Variants in CTNNA3 observed in about 807,000 individuals in gnomAD.
CTNNA3 encodes the protein catenin alpha 3, also known as catenin alpha-3.
In CTNNA3, 76 loss-of-function variants were observed where a neutral mutation model predicts 95.7. The observed-to-expected ratio is 0.79, with a 90% CI of 0.66 to 0.96. The LOEUF (loss-of-function observed/expected upper bound fraction) is 0.96, where lower values mean the gene tolerates loss of function less well. Among genes scored for constraint, CTNNA3 ranks in the 40% least tolerant of loss-of-function variants. CTNNA3 has a pLI of 0.00. For missense variants in CTNNA3, 1,191 were observed against 1,089.8 expected, an observed-to-expected ratio of 1.09 and a Z score of -1.31; for synonymous variants, 431 against 374.4, an observed-to-expected ratio of 1.15 and a Z score of -1.74.
In CTNNA3 at chr10:66,927,226, G is replaced by A. The variant is rs1281297179; in HGVS notation, c.1048-151702C>T. 1.2e-6 allele frequency: 2 copies of A among 1,614,114 alleles called. No homozygotes were observed. Among genetic ancestry groups the A allele is most frequent in the Non-Finnish European group, 8.5e-7 (1 of 1,180,044 alleles). ...CCATATCAGCAATATTGACGAAAAT[G>A]CTTTTAATGGAATACGCAGACTCAA... On this transcript the variant is annotated intron_variant, in intron 7 of 17. Coordinates refer to ENST00000433211, the MANE Select transcript of CTNNA3 (RefSeq NM_013266.4). The surrounding 1 kb of genome is among the most constrained non-coding windows in gnomAD (Gnocchi z 4.7).
At chr10:67,071,521 T>C (rs1856464778) in intron 7 of CTNNA3, among the ~76,000 whole-genome samples, 1 of 152,082 alleles carries the variant, frequency 6.6e-6, no homozygotes, top group Non-Finnish European at 1.5e-5. Context: ...TGTTTGTTTG[T>C]TTCTTTGACT....
chr10:67,109,005 A>T (rs905923289), intron 7 of CTNNA3, among the ~76,000 whole-genome samples: 1 of 152,090 alleles, frequency 6.6e-6, no homozygotes, highest in African/African-American at 2.4e-5. Flanking sequence ...TACTGTCAGA[A>T]GTTTTCTGTT....
intron 11 of CTNNA3, among the ~76,000 whole-genome samples, chr10:66,383,874 C>A (rs9415840): frequency 6.6e-6 from 1 of 151,932 alleles, no homozygotes; most frequent in Non-Finnish European, 1.5e-5. Context: ...AGAAATAAAA[C>A]CCTGTACAGA....
chr10:67,654,860 T>C (rs567341513), intron 1 of CTNNA3, among the ~76,000 whole-genome samples: 12 of 152,326 alleles, frequency 7.9e-5, no homozygotes, highest in African/African-American at 2.9e-4. Flanking sequence ...GAGTGTGCAT[T>C]CACTATATGT....
intron 5 of CTNNA3, among the ~76,000 whole-genome samples, chr10:67,465,658 A>G (rs949502833): frequency 6.6e-6 from 1 of 152,176 alleles, no homozygotes; most frequent in African/African-American, 2.4e-5. Flanking sequence ...TATAACTCAC[A>G]TGGAGGTCAA....
At position 67,025,096 on chromosome 10, in the gene CTNNA3, A is replaced by G. The variant is rs1853272895; in HGVS notation, c.1047+155221T>C. Among the ~76,000 whole-genome samples, 6 of 144,104 alleles carry G rather than the reference A, an allele frequency of 4.2e-5. No individual in the cohort carries two copies. The Admixed American group carries it at 4.5e-4, about 11-fold the overall frequency. 94.5% of individuals were successfully genotyped at this position (144,104 alleles called of 152,430 possible). On this transcript the variant is annotated intron_variant, in intron 7 of 17. Coordinates refer to ENST00000433211, the MANE Select transcript of CTNNA3 (RefSeq NM_013266.4). ...GTGAGCCGAGATCATGCCATTGCAC[A>G]CTCCAGCCTGAGCAACAAGAGCAAA... is the stretch of plus-strand genomic sequence containing the variant.
intron 10 of CTNNA3, among the ~76,000 whole-genome samples, chr10:66,610,385 C>T (rs1844287145): frequency 6.6e-6 from 1 of 152,052 alleles, no homozygotes; most frequent in South Asian, 2.1e-4. Context: ...GGTGGATGGT[C>T]TCTTTCCTTG....
chr10:66,191,003 T>C (rs767336422), intron 13 of CTNNA3, among the ~76,000 whole-genome samples: 1 of 152,112 alleles, frequency 6.6e-6, no homozygotes, highest in Non-Finnish European at 1.5e-5. Flanking sequence ...ATTCATGTTA[T>C]ATTGAATGCA....
At chr10:66,263,592 A>T (rs1345929972) in intron 13 of CTNNA3, among the ~76,000 whole-genome samples, 1 of 151,952 alleles carries the variant, frequency 6.6e-6, no homozygotes, top group African/African-American at 2.4e-5. Flanking sequence ...GAACAGCTTA[A>T]CCTCTCTAAA....
intron 9 of CTNNA3, among the ~76,000 whole-genome samples, chr10:66,746,008 T>C (rs991604545): frequency 6.6e-6 from 1 of 152,152 alleles, no homozygotes; most frequent in African/African-American, 2.4e-5. Context: ...GTATTTACAA[T>C]TGAGATATCT....
intron 7 of CTNNA3, among the ~76,000 whole-genome samples, chr10:67,024,081 C>T (rs1432242734): frequency 6.6e-6 from 1 of 152,166 alleles, no homozygotes; most frequent in African/African-American, 2.4e-5. Flanking sequence ...CAAAATCAGC[C>T]TCACTGAGCT....
chr10:67,484,971 AT>A (rs1398604018), intron 5 of CTNNA3, among the ~76,000 whole-genome samples: 1 of 152,200 alleles, frequency 6.6e-6, no homozygotes, highest in Non-Finnish European at 1.5e-5. Flanking sequence ...TACTGAGTAT[AT>A]AACCAAAAGA....
At chr10:66,934,664 G>A (rs1371387223) in intron 7 of CTNNA3, among the ~76,000 whole-genome samples, 1 of 152,074 alleles carries the variant, frequency 6.6e-6, no homozygotes, top group African/African-American at 2.4e-5. Context: ...ACAAAGTATA[G>A]GACTTTATGT....
intron 5 of CTNNA3, among the ~76,000 whole-genome samples, chr10:67,467,206 A>T (rs1847628837): frequency 6.6e-6 from 1 of 152,182 alleles, no homozygotes; most frequent in Non-Finnish European, 1.5e-5. Flanking sequence ...CACATTTTAA[A>T]ATTTCAGAGG....
At chr10:66,450,547 T>C (rs553928761) in intron 11 of CTNNA3, among the ~76,000 whole-genome samples, 2 of 152,084 alleles carry the variant, frequency 1.3e-5, no homozygotes, top group Non-Finnish European at 2.9e-5. Flanking sequence ...ATAAGGATGA[T>C]ATCAAAGAAC....
At chr10:66,401,569 A>C (rs1458617447) in intron 11 of CTNNA3, among the ~76,000 whole-genome samples, 1 of 149,876 alleles carries the variant, frequency 6.7e-6, no homozygotes, top group East Asian at 2.0e-4. Flanking sequence ...ACAGCATAGT[A>C]GCTGGCATTT....
At chr10:67,251,822 G>C (rs1866119589) in intron 5 of CTNNA3, among the ~76,000 whole-genome samples, 1 of 151,376 alleles carries the variant, frequency 6.6e-6, no homozygotes, top group Non-Finnish European at 1.5e-5. Context: ...GAGAGGGAGG[G>C]GCAGTATTAA....
At chr10:67,437,514 A>C (rs1846344124) in intron 5 of CTNNA3, among the ~76,000 whole-genome samples, 1 of 152,098 alleles carries the variant, frequency 6.6e-6, no homozygotes, top group Non-Finnish European at 1.5e-5. Context: ...AATTTAATAA[A>C]ATTTAAAAAT....
At chr10:66,544,453 G>A (rs933684613) in intron 10 of CTNNA3, among the ~76,000 whole-genome samples, 4 of 152,050 alleles carry the variant, frequency 2.6e-5, no homozygotes, top group African/African-American at 2.4e-5. Flanking sequence ...TATTACCATC[G>A]TTTGATGAGG....
Sources: allele counts gnomAD v4.1 joint callset (sites outside exome capture counted in the v4.1 genomes callset), GRCh38; gene constraint gnomAD v4.1.1; non-coding constraint Gnocchi (gnomAD v3.1); transcripts MANE v1.5; gene names NCBI Gene and HGNC (gene_info 2026-07-23, HGNC 2026-07-21).